Variants in PLAC1 observed in about 807,000 individuals in gnomAD.
PLAC1 encodes the protein placenta-specific protein 1.
For missense variants in PLAC1, 136 were observed against 163.2 expected (o/e 0.83, Z 0.91); for synonymous variants, 68 against 62.1 (o/e 1.09, Z -0.44).
chrX:134,687,055 T>C (rs2078519498), intron 2 of PLAC1, among the ~76,000 whole-genome samples: 1 of 111,614 alleles, frequency 9.0e-6, no homozygotes, highest in Non-Finnish European at 1.9e-5. Flanking sequence ...TGGAAAGATA[T>C]TATGAAAGGG....
intron 2 of PLAC1, among the ~76,000 whole-genome samples, chrX:134,668,480 C>A (rs1336741760): frequency 8.9e-6 from 1 of 112,769 alleles, no homozygotes; most frequent in Non-Finnish European, 1.9e-5. Flanking sequence ...CAGTCTTACT[C>A]CAGCACCCAC....
chrX:134,741,177 C>T (rs1207114794), intron 1 of PLAC1, among the ~76,000 whole-genome samples: 1 of 111,668 alleles, frequency 9.0e-6, no homozygotes, highest in Non-Finnish European at 1.9e-5. Context: ...TTCTATAATC[C>T]GGTTTCCAAT....
At chrX:134,586,536 A>G (rs1331894571) in intron 2 of PLAC1, among the ~76,000 whole-genome samples, 1 of 111,541 alleles carries the variant, frequency 9.0e-6, no homozygotes, top group Non-Finnish European at 1.9e-5. Context: ...AGGCCGTGAA[A>G]GGAAGAGTGG....
At chrX:134,655,364 C>CACACACAT (rs1556118829) in intron 1 of PLAC1, among the ~76,000 whole-genome samples, 1 of 101,267 alleles carries the variant, frequency 9.9e-6, no homozygotes, top group Non-Finnish European at 2.0e-5. Flanking sequence ...CACACACACA[C>CACACACAT]ATATATTTGA....
chrX:134,704,520 C>CA (rs774558355), intron 2 of PLAC1, among the ~76,000 whole-genome samples: 3 of 94,058 alleles, frequency 3.2e-5, no homozygotes, highest in East Asian at 6.6e-4. Flanking sequence ...ATAACAACAA[C>CA]AAAAAAAAAT....
At chrX:134,638,338 G>T (rs1278787427) in intron 1 of PLAC1, among the ~76,000 whole-genome samples, 1 of 112,202 alleles carries the variant, frequency 8.9e-6, no homozygotes, top group East Asian at 2.8e-4. Context: ...AGACTAAAGA[G>T]TTGTTCTCCT....
chrX:134,579,258 G>T (rs1236038629), intron 2 of PLAC1, among the ~76,000 whole-genome samples: 1 of 110,997 alleles, frequency 9.0e-6, no homozygotes, highest in Non-Finnish European at 1.9e-5. Flanking sequence ...TGTGGAAACG[G>T]GGGTCCCAGA....
chrX:134,646,732 G>A (rs1037915039), intron 1 of PLAC1, among the ~76,000 whole-genome samples: 1 of 112,119 alleles, frequency 8.9e-6, no homozygotes, highest in Non-Finnish European at 1.9e-5. Flanking sequence ...AGAAAGTTTT[G>A]GTTCAAAAGA....
chrX:134,648,623 T>C (rs2078346287), intron 1 of PLAC1, among the ~76,000 whole-genome samples: 2 of 111,081 alleles, frequency 1.8e-5, no homozygotes, highest in African/African-American at 6.6e-5. Context: ...GAGGCAGAGG[T>C]TGCAGTGAGC....
At chrX:134,628,811 G>A (rs992953170) in intron 1 of PLAC1, among the ~76,000 whole-genome samples, 6 of 111,850 alleles carry the variant, frequency 5.4e-5, no homozygotes, top group African/African-American at 2.0e-4. Context: ...AGACTCCTGT[G>A]CCTGTTTCCT....
intron 1 of PLAC1, among the ~76,000 whole-genome samples, chrX:134,743,467 G>C (rs1182115385): frequency 2.7e-5 from 3 of 110,084 alleles, no homozygotes; most frequent in Non-Finnish European, 5.7e-5. Flanking sequence ...CCTGAAAGAA[G>C]CTTGTCATTT....
intron 2 of PLAC1, among the ~76,000 whole-genome samples, chrX:134,572,160 A>C (rs1047982743): frequency 2.7e-5 from 3 of 111,726 alleles, no homozygotes; most frequent in African/African-American, 9.8e-5. Context: ...AGATTCTTTT[A>C]CAAGACAAGA....
chrX:134,713,062 A>T (rs766309254), intron 2 of PLAC1, among the ~76,000 whole-genome samples: 7 of 111,981 alleles, frequency 6.3e-5, no homozygotes, highest in Non-Finnish European at 1.1e-4. Context: ...CAATACATCA[A>T]CTGTGGTTGA....
At chrX:134,631,623 C>T (rs1261536941) in intron 1 of PLAC1, among the ~76,000 whole-genome samples, 1 of 111,609 alleles carries the variant, frequency 9.0e-6, no homozygotes, top group Non-Finnish European at 1.9e-5. Flanking sequence ...GATTGAGCAA[C>T]GAGCTCCAAT....
intron 2 of PLAC1, among the ~76,000 whole-genome samples, chrX:134,700,191 C>T (rs758136727): frequency 1.8e-5 from 2 of 111,859 alleles, no homozygotes; most frequent in Admixed American, 9.5e-5. Flanking sequence ...CTGAAATTAA[C>T]TATCTGGTTT....
At chrX:134,709,484 G>A (rs2078621205) in intron 2 of PLAC1, among the ~76,000 whole-genome samples, 1 of 111,512 alleles carries the variant, frequency 9.0e-6, no homozygotes, top group Non-Finnish European at 1.9e-5. Context: ...AAATTAGGTG[G>A]GTGTGGTGGC....
At chrX:134,708,777 A>G (rs2078618098) in intron 2 of PLAC1, among the ~76,000 whole-genome samples, 2 of 111,211 alleles carry the variant, frequency 1.8e-5, no homozygotes, top group Admixed American at 1.9e-4. Context: ...AACTCAGGTG[A>G]TCCGCCCACG....
chrX:134,593,246 T>C (rs1399053119), intron 2 of PLAC1, among the ~76,000 whole-genome samples: 6 of 112,409 alleles, frequency 5.3e-5, no homozygotes, highest in Non-Finnish European at 1.1e-4. Flanking sequence ...GGACTATTTC[T>C]GGGTTCTGTT....
intron 2 of PLAC1, among the ~76,000 whole-genome samples, chrX:134,585,346 CAAAAAACTTTTTTTTTTT>C (rs1343211792): frequency 9.2e-6 from 1 of 109,135 alleles, no homozygotes; most frequent in Non-Finnish European, 1.9e-5. Context: ...GACTCTGTCT[CAAAAAACTTTTTTTTTTT>C]AAAAAGAGAA....
Sources: allele counts gnomAD v4.1 joint callset (sites outside exome capture counted in the v4.1 genomes callset), GRCh38; gene constraint gnomAD v4.1.1; transcripts MANE v1.5; gene names NCBI Gene and HGNC (gene_info 2026-07-23, HGNC 2026-07-21).